INPP4B: variants seen among roughly 807,000 people sequenced by gnomAD.
The protein encoded by INPP4B is inositol polyphosphate 4-phosphatase type II.
INPP4B carries 55 observed loss-of-function variants against 122.5 expected under a neutral mutation model. The observed-to-expected ratio is 0.45, with a 90% CI of 0.36 to 0.56. The LOEUF is 0.56. INPP4B is among the 20% of genes least tolerant of loss of function. The pLI is 0.00. For synonymous variants in INPP4B, 403 were observed against 388.7 expected (o/e 1.04, Z -0.43); for missense variants, 1,000 against 1,097.7 (o/e 0.91, Z 1.26).
chr4:142,334,029 C>T (rs1453039735), intron 7 of INPP4B, among the ~76,000 whole-genome samples: 1 of 152,146 alleles, frequency 6.6e-6, no homozygotes, highest in African/African-American at 2.4e-5. Flanking sequence ...TTCCTCCTCC[C>T]CTCAGCCCCT....
chr4:142,068,833 A>C (rs965939831), intron 25 of INPP4B, among the ~76,000 whole-genome samples: 9 of 152,226 alleles, frequency 5.9e-5, no homozygotes, highest in Non-Finnish European at 1.2e-4. Context: ...TTCATAAAGC[A>C]AGTCCTTTGA....
intron 7 of INPP4B, among the ~76,000 whole-genome samples, chr4:142,333,235 G>A (rs1236867732): frequency 1.3e-5 from 2 of 152,084 alleles, no homozygotes; most frequent in Non-Finnish European, 2.9e-5. Flanking sequence ...TGTTGTATCA[G>A]CAGCACTGGA....
At chr4:142,791,466 T>G (rs1322470845) in intron 1 of INPP4B, among the ~76,000 whole-genome samples, 1 of 152,108 alleles carries the variant, frequency 6.6e-6, no homozygotes, top group Non-Finnish European at 1.5e-5. Context: ...GAAAGGTGTG[T>G]GTAGACTGCA....
chr4:142,111,091 T>C (rs1055126422), intron 22 of INPP4B, among the ~76,000 whole-genome samples: 50 of 152,102 alleles, frequency 3.3e-4, no homozygotes, highest in Non-Finnish European at 5.7e-4. Flanking sequence ...TAGAATATAA[T>C]CTAATCCTAG....
At chr4:142,804,759 C>A (rs1269681151) in intron 1 of INPP4B, among the ~76,000 whole-genome samples, 1 of 152,188 alleles carries the variant, frequency 6.6e-6, no homozygotes, top group Non-Finnish European at 1.5e-5. Context: ...CTTGACCTCC[C>A]TGGCTCAGGT....
At chr4:142,353,367 AG>A (rs1397488970) in intron 7 of INPP4B, among the ~76,000 whole-genome samples, 2 of 152,044 alleles carry the variant, frequency 1.3e-5, no homozygotes, top group Non-Finnish European at 2.9e-5. Flanking sequence ...TCAAGAAAAG[AG>A]GAAAAAATTC....
At position 142,616,087 on chromosome 4, in the gene INPP4B, A is replaced by C. The variant is rs572979967; in HGVS notation, c.-191+109752T>G. Reference sequence around the variant, plus strand: ...ATGATTCTATTTGGAAGCTAGATGGACAAGGTGAGGGGCAGAACTACATAA... The same window carrying C: ...ATGATTCTATTTGGAAGCTAGATGGCCAAGGTGAGGGGCAGAACTACATAA... On this transcript the variant is annotated intron_variant, in intron 2 of 25. Transcript: ENST00000262992. 4.6e-5 allele frequency among the ~76,000 whole-genome samples: 7 copies of C among 152,246 alleles called. No homozygotes were observed. The South Asian group carries it at 1.5e-3, about 32-fold the overall frequency.
intron 8 of INPP4B, among the ~76,000 whole-genome samples, chr4:142,311,086 T>C (rs1303268496): frequency 6.6e-6 from 1 of 152,042 alleles, no homozygotes; most frequent in Non-Finnish European, 1.5e-5. Flanking sequence ...GTAAAGCCCT[T>C]GTATGTTGTA....
chr4:142,148,875 T>C (rs570278341), intron 17 of INPP4B, among the ~76,000 whole-genome samples: 1 of 152,202 alleles, frequency 6.6e-6, no homozygotes, highest in Non-Finnish European at 1.5e-5. Context: ...ACACAGGAGA[T>C]GACACAATAT....
chr4:142,558,482 GAA>G (rs1475324521), intron 2 of INPP4B, among the ~76,000 whole-genome samples: 1 of 151,962 alleles, frequency 6.6e-6, no homozygotes, highest in East Asian at 1.9e-4. Context: ...TCTTCTTTTA[GAA>G]AAAGTTATTA....
chr4:142,739,072 A>G (rs529604781), intron 1 of INPP4B, among the ~76,000 whole-genome samples: 1 of 152,254 alleles, frequency 6.6e-6, no homozygotes, highest in Non-Finnish European at 1.5e-5. Flanking sequence ...AAAACCAAAC[A>G]TAATAACAAA....
intron 2 of INPP4B, among the ~76,000 whole-genome samples, chr4:142,587,774 A>T (rs1257271917): frequency 2.6e-5 from 4 of 152,090 alleles, no homozygotes; most frequent in South Asian, 2.1e-4. Context: ...ATTAGATCTT[A>T]TTCATTCTTA....
At chr4:142,438,503 A>G (rs1430280882) in intron 3 of INPP4B, among the ~76,000 whole-genome samples, 1 of 152,210 alleles carries the variant, frequency 6.6e-6, no homozygotes, top group Non-Finnish European at 1.5e-5. Context: ...AGCCATATGC[A>G]GAAAACTGAA....
intron 5 of INPP4B, among the ~76,000 whole-genome samples, chr4:142,407,349 C>T (rs1352572665): frequency 6.6e-6 from 1 of 152,112 alleles, no homozygotes; most frequent in Non-Finnish European, 1.5e-5. Flanking sequence ...CTTGTGAGCT[C>T]ATGACACCTT....
chr4:142,530,550 CATATAT>C (rs35595178), intron 2 of INPP4B, among the ~76,000 whole-genome samples: 26,265 of 140,196 alleles, frequency 0.19, 2,474 homozygotes, highest in African/African-American at 0.24. Context: ...TATGTGTGTG[CATATAT>C]ATATATATAT....
chr4:142,263,635 GTAAAATATATATATATATATATATATA>G (rs1561673583), intron 10 of INPP4B, among the ~76,000 whole-genome samples: 1 of 37,450 alleles, frequency 2.7e-5, no homozygotes, highest in African/African-American at 7.1e-5. Flanking sequence ...AGATAAATTC[GTAAAATATATATATATATATATATATA>G]TATATATATA....
At chr4:142,439,043 G>C (rs1388582350) in intron 3 of INPP4B, among the ~76,000 whole-genome samples, 1 of 152,148 alleles carries the variant, frequency 6.6e-6, no homozygotes, top group Non-Finnish European at 1.5e-5. Context: ...CTCATCAAGA[G>C]ACCTGCTGTG....
intron 1 of INPP4B, among the ~76,000 whole-genome samples, chr4:142,825,838 A>G (rs927774817): frequency 6.6e-6 from 1 of 152,156 alleles, no homozygotes; most frequent in African/African-American, 2.4e-5. Context: ...TTATTTGGCT[A>G]TAGTATAGGG....
chr4:142,088,730 A>G (rs1778032210), intron 23 of INPP4B, among the ~76,000 whole-genome samples: 1 of 152,234 alleles, frequency 6.6e-6, no homozygotes, highest in Non-Finnish European at 1.5e-5. Flanking sequence ...GAGAATGTGC[A>G]TGAGAAAAAG....
Sources: allele counts gnomAD v4.1 joint callset (sites outside exome capture counted in the v4.1 genomes callset), GRCh38; gene constraint gnomAD v4.1.1; transcripts MANE v1.5; gene names NCBI Gene and HGNC (gene_info 2026-07-23, HGNC 2026-07-21).